Variants in DOCK7 observed in about 807,000 individuals in gnomAD.
DOCK7 encodes the protein dedicator of cytokinesis protein 7.
Under a neutral mutation model 271.0 loss-of-function variants are expected in DOCK7, and 138 were observed. The observed-to-expected ratio is 0.51, with a 90% CI of 0.44 to 0.59. The LOEUF (loss-of-function observed/expected upper bound fraction) is 0.59, where lower values mean the gene tolerates loss of function less well. Among genes scored for constraint, DOCK7 ranks in the 20% least tolerant of loss-of-function variants. DOCK7 has a pLI of 0.00. For synonymous variants in DOCK7, 823 were observed against 876.1 expected (o/e 0.94, Z 1.07); for missense variants, 2,066 against 2,592.4 (o/e 0.80, Z 4.41).
At chr1:62,540,038 T>C (rs1645476250) in intron 25 of DOCK7, 146 bp from the exon 26 acceptor site, 2 of 538,026 alleles carry the variant, frequency 3.7e-6, no homozygotes, top group Non-Finnish European at 3.0e-6. Flanking sequence ...TTTTTAAAGT[T>C]CCCTACAATG....
Position 62,457,639 on chromosome 1 carries a change from T to G in DOCK7, c.6279A>C (p.Glu2093Asp), listed in dbSNP as rs371600544. The G allele has an allele frequency of 1.2e-6, 2 of 1,614,038 alleles. No homozygotes were observed. The highest frequency in any genetic ancestry group is 2.7e-5 in the African/African-American group (2 of 74,916). ...TAAGGCGATGATAGTTTCTCTCCAG[T>G]TCCCTTTGATACTCCTTTTGATCCG... Reference protein sequence around the residue: ...IGPDQKEYQRELERNYHRLKE... With the variant: ...IGPDQKEYQRDLERNYHRLKE... Residue 2093 changes from glutamate (E) to aspartate (D), a missense_variant, in exon 49 of 50, where the codon GAA (glutamate) becomes GAC (aspartate). Glu to Asp is a conservative substitution (Grantham distance 45). Transcript: ENST00000635253.
At chr1:62,463,988 G>A (rs950683496) in intron 48 of DOCK7, among the ~76,000 whole-genome samples, 3 of 151,998 alleles carry the variant, frequency 2.0e-5, no homozygotes, top group Non-Finnish European at 4.4e-5. Context: ...AATGAAAAAC[G>A]TTTTAAAAAA....
intron 1 of DOCK7, among the ~76,000 whole-genome samples, chr1:62,665,964 C>T (rs890574531): frequency 6.6e-6 from 1 of 151,784 alleles, no homozygotes; most frequent in Non-Finnish European, 1.5e-5. Flanking sequence ...GAGATCAGGA[C>T]CATCCTGGCT....
intron 14 of DOCK7, chr1:62,608,931 A>C (rs988603296): frequency 6.6e-6 from 1 of 152,180 alleles, no homozygotes; most frequent in African/African-American, 2.4e-5. Context: ...CCTTTAAAAA[A>C]CATATTCCAA....
At chr1:62,638,097 G>A (rs1655501161) in intron 7 of DOCK7, among the ~76,000 whole-genome samples, 1 of 151,978 alleles carries the variant, frequency 6.6e-6, no homozygotes, top group African/African-American at 2.4e-5. Context: ...ATTTTTAATG[G>A]GAATCTTTTC....
At chr1:62,544,896 C>T in intron 23 of DOCK7, 51 bp downstream of exon 23, 1 of 1,400,294 alleles carries the variant, frequency 7.1e-7, no homozygotes, top group East Asian at 2.5e-5. Context: ...AAGTAATGTT[C>T]TAAAGGGAAA....
chr1:62,610,953 T>C (rs1399864760), intron 14 of DOCK7, among the ~76,000 whole-genome samples: 3 of 152,244 alleles, frequency 2.0e-5, no homozygotes, highest in Non-Finnish European at 2.9e-5. Flanking sequence ...TAGAATGATT[T>C]ATAATCCTTT....
chr1:62,481,700 T>C (rs1368688934), intron 43 of DOCK7: 1 of 152,238 alleles, frequency 6.6e-6, no homozygotes, highest in Non-Finnish European at 1.5e-5. Context: ...CACAATCCTC[T>C]GGGTGATAAG....
At chr1:62,600,772 T>C (rs1285820413) in intron 14 of DOCK7, among the ~76,000 whole-genome samples, 1 of 151,868 alleles carries the variant, frequency 6.6e-6, no homozygotes, top group Non-Finnish European at 1.5e-5. Flanking sequence ...ATTTTATTCA[T>C]ATAAATAAAA....
At chr1:62,519,979 C>T (rs1644797381) in intron 31 of DOCK7, among the ~76,000 whole-genome samples, 1 of 152,054 alleles carries the variant, frequency 6.6e-6, no homozygotes, top group Non-Finnish European at 1.5e-5. Flanking sequence ...CTTTGACAAA[C>T]CTGACAAAAA....
rs2149495616 is a variant in DOCK7 at position 62,584,917 on chromosome 1, G to C, written c.1800+1590C>G. ...CACATATATGATAAGACAAGGAAGA[G>C]TTTGTTAGGTAAACAATAAAAAATA... On this transcript the variant is annotated intron_variant, in intron 15 of 49. Coordinates refer to ENST00000635253, the MANE Select transcript of DOCK7 (RefSeq NM_001367561.1). 4.3e-6 allele frequency: 3 copies of C among 692,174 alleles called. 1 individual carries two copies. The South Asian group carries it at 4.8e-5, about 11-fold the overall frequency. The allele number at this position is 692,174 out of a possible 1,614,324, so 42.9% of individuals were successfully genotyped here.
chr1:62,622,668 C>T (rs868441134), intron 12 of DOCK7, among the ~76,000 whole-genome samples: 5 of 152,100 alleles, frequency 3.3e-5, no homozygotes, highest in South Asian at 2.1e-4. Context: ...CGGCGTCTCA[C>T]GCCTGTAATC....
chr1:62,549,902 C>T (rs1645837630), intron 22 of DOCK7, among the ~76,000 whole-genome samples: 1 of 152,142 alleles, frequency 6.6e-6, no homozygotes, highest in African/African-American at 2.4e-5. Flanking sequence ...TTACCTTCTA[C>T]AAATAAGTGA....
Position 62,631,366 on chromosome 1 carries a change from G to C in DOCK7, c.1156C>G (p.Gln386Glu), listed in dbSNP as rs143302159. The C allele has an allele frequency of 2.5e-6, 4 of 1,611,850 alleles. No homozygotes were observed. The highest frequency in any genetic ancestry group is 1.3e-5 in the African/African-American group (1 of 74,646). ...KLEKLKSQAD[Q>E]FCQRLGKYRM... ...TATTTCCCAAGTCTTTGGCAAAACT[G>C]ATCTGCTTGACTCTTCAGTTTCTCC... The change falls in exon 11 of 50, where the codon CAG becomes GAG. Residue 386 changes from glutamine (Q) to glutamate (E), a missense_variant. Coordinates refer to ENST00000635253, the MANE Select transcript of DOCK7 (RefSeq NM_001367561.1).
intron 37 of DOCK7, among the ~76,000 whole-genome samples, chr1:62,502,871 A>G (rs897434254): frequency 6.6e-6 from 1 of 152,206 alleles, no homozygotes; most frequent in Non-Finnish European, 1.5e-5. Flanking sequence ...TAGAGGTTGG[A>G]TCACAAAGCA....
intron 48 of DOCK7, among the ~76,000 whole-genome samples, chr1:62,462,314 T>C (rs1645553325): frequency 6.6e-6 from 1 of 152,160 alleles, no homozygotes; most frequent in Non-Finnish European, 1.5e-5. Context: ...AAAATTTATA[T>C]AAAATTGAAA....
chr1:62,474,090 T>C lies in DOCK7; in HGVS notation c.6106-2A>G. On this transcript the variant is annotated splice_acceptor_variant, in intron 47 of 49. Transcript: ENST00000635253. LOFTEE classifies it high-confidence loss of function. ...AACCTGGGCAACTTCCAAAGGCCCC[T>C]GCAAAATAAGAAAATAAGAAGTGTG... 6.2e-7 allele frequency: 1 copy of C among 1,609,112 alleles called. No individual in the cohort carries two copies. The highest frequency in any genetic ancestry group is 8.5e-7 in the Non-Finnish European group (1 of 1,177,790).
At chr1:62,678,202 G>T (rs1660737358) in intron 1 of DOCK7, among the ~76,000 whole-genome samples, 1 of 152,102 alleles carries the variant, frequency 6.6e-6, no homozygotes, top group Admixed American at 6.6e-5. Context: ...ATGTTGAATA[G>T]CAATGGTATC....
At chr1:62,618,898 A>G (rs1652792475) in intron 13 of DOCK7, 30 bp from the exon 14 acceptor site, 1 of 1,590,236 alleles carries the variant, frequency 6.3e-7, no homozygotes, top group African/African-American at 1.4e-5. Flanking sequence ...AAACAATGTA[A>G]AGACAATAAA....
Sources: gnomAD v4.1 joint callset for allele counts (sites outside exome capture counted in the v4.1 genomes callset) on GRCh38, gnomAD v4.1.1 for gene constraint, MANE v1.5 for transcripts, NCBI Gene and HGNC (gene_info 2026-07-23, HGNC 2026-07-21) for gene names.